The following CFAP65 variants were observed in gnomAD, a reference collection of about 807,000 sequenced individuals.
The protein encoded by CFAP65 is cilia- and flagella-associated protein 65.
CFAP65 carries 155 observed loss-of-function variants against 208.0 expected under a neutral mutation model. The ratio of observed to expected loss-of-function variants is 0.75; its 90% confidence interval spans 0.65 to 0.85. CFAP65 has a LOEUF of 0.85. Ranked by LOEUF, CFAP65 falls within the 40% of genes least tolerant of loss-of-function variation. The pLI is 0.00. For missense variants in CFAP65, 2,294 were observed against 2,451.3 expected (o/e 0.94, Z 1.36); for synonymous variants, 970 against 986.3 (o/e 0.98, Z 0.31).
intron 11 of CFAP65, 112 bp from the exon 12 acceptor site, chr2:219,028,513 G>C: frequency 1.1e-6 from 1 of 910,004 alleles, no homozygotes; most frequent in Non-Finnish European, 1.7e-6. Context: ...AGAGGCAGTG[G>C]GGCAGAAGCT....
At position 219,010,540 on chromosome 2, in the gene CFAP65, C is replaced by T; in HGVS notation, c.4308+6G>A. The T allele has an allele frequency of 1.9e-6, 3 of 1,607,018 alleles. No homozygotes were observed. The highest frequency in any genetic ancestry group is 2.5e-6 in the Non-Finnish European group (3 of 1,178,354). ...CCTCAGGCCTTCCTAGCTCCCCTTT[C>T]CCCACCTGTCCAGGCACCACCAGCC... On this transcript the variant is annotated splice_donor_region_variant and intron_variant, in intron 26 of 34. Transcript: ENST00000341552.
In CFAP65 at chr2:219,010,199, C is replaced by T. The variant is rs186216496; in HGVS notation, c.4309-114G>A. 62 of 1,044,014 alleles carry T rather than the reference C, an allele frequency of 5.9e-5. No homozygotes were observed. In the African/African-American group the frequency reaches 6.7e-4, roughly 11 times the overall value. The allele number at this position is 1,044,014 out of a possible 1,614,324, so 64.7% of individuals were successfully genotyped here. ...TGGGAGGATCACGAGGTCAGAAAAT[C>T]GAGACCACTGTGCCTGGCCCTTTTG... On this transcript the variant is annotated intron_variant, in intron 26 of 34. Coordinates refer to ENST00000341552, the MANE Select transcript of CFAP65 (RefSeq NM_194302.4).
At chr2:219,040,488 A>G in intron 2 of CFAP65, 31 bp downstream of exon 2, 1 of 1,120,002 alleles carries the variant, frequency 8.9e-7, no homozygotes, top group Non-Finnish European at 1.3e-6. Context: ...GTACTGTGCT[A>G]GGCACCAGAC....
Position 219,019,169 on chromosome 2 carries a change from T to A in CFAP65, c.3484A>T (p.Ile1162Phe). ...KVPTRHSMSQ[I>F]PPVLTPLRLD... ...CTTAAAGGGGTGAGGACGGGGGGGATCTGGCTCATGCTGTGAGGAACAGAG... is the reference window on the plus strand; with the variant it reads ...CTTAAAGGGGTGAGGACGGGGGGGAACTGGCTCATGCTGTGAGGAACAGAG... The change falls in exon 21 of 35, where the codon ATC (isoleucine) becomes TTC (phenylalanine). Residue 1162 changes from isoleucine to phenylalanine, a missense_variant. Ile to Phe is a conservative substitution (Grantham distance 21, BLOSUM62 0). Around this residue, in one of 2 missense-constraint regions of CFAP65, gnomAD observed 1,427 missense variants for 1,438.7 expected, o/e 0.99. Transcript: ENST00000341552. 6.2e-7 allele frequency: 1 copy of A among 1,612,872 alleles called. No individual in the cohort carries two copies. Among genetic ancestry groups the A allele is most frequent in the Non-Finnish European group, 8.5e-7 (1 of 1,179,374 alleles).
At position 219,019,191 on chromosome 2, in the gene CFAP65, A is replaced by C; in HGVS notation, c.3474-12T>G. The C allele has an allele frequency of 6.2e-7, 1 of 1,606,418 alleles. No homozygotes were observed. The highest frequency in any genetic ancestry group is 8.5e-7 in the Non-Finnish European group (1 of 1,175,330). ...GGATCTGGCTCATGCTGTGAGGAAC[A>C]GAGAAAGGGGTTCAGAGATGGGGAT... On this transcript the variant is annotated splice_polypyrimidine_tract_variant and intron_variant, in intron 20 of 34. Transcript: ENST00000341552.
chr2:219,033,606 A>C (rs1165325092), intron 5 of CFAP65: 2 of 152,256 alleles, frequency 1.3e-5, no homozygotes, highest in Non-Finnish European at 2.9e-5. Flanking sequence ...ACTCTCAGCA[A>C]AGCAGGAATA....
Position 219,027,745 on chromosome 2 carries a change from G to A in CFAP65, c.2116C>T (p.Pro706Ser). The A allele has an allele frequency of 1.2e-6, 2 of 1,614,122 alleles. No homozygotes were observed. The highest frequency in any genetic ancestry group is 1.7e-6 in the Non-Finnish European group (2 of 1,180,030). The change falls in exon 13 of 35, where the codon CCC becomes TCC. Residue 706 changes from proline to serine, a missense_variant. Physicochemically the swap from Pro to Ser is moderately conservative, Grantham distance 74. Coordinates refer to ENST00000341552, the MANE Select transcript of CFAP65 (RefSeq NM_194302.4). ...CGCATGGCCATGGACTTGAGTGGGG[G>A]CACGTCGCAGCTCTCTGGAGTCACC... ...FWVTPESCDV[P>S]PLKSMAMRLH...
chr2:219,036,424 T>G (rs1165023854), intron 4 of CFAP65, among the ~76,000 whole-genome samples: 1 of 151,020 alleles, frequency 6.6e-6, no homozygotes, highest in Non-Finnish European at 1.5e-5. Context: ...CCATGCGCAC[T>G]CAACTCATTG....
intron 26 of CFAP65, 142 bp downstream of exon 26, chr2:219,010,404 G>A: frequency 1.1e-6 from 1 of 882,546 alleles, no homozygotes; most frequent in Non-Finnish European, 1.7e-6. Flanking sequence ...AGGAGGGTGA[G>A]TTCCAAGGTC....
intron 5 of CFAP65, chr2:219,034,009 A>T (rs1176926272): frequency 6.6e-6 from 1 of 152,220 alleles, no homozygotes; most frequent in Non-Finnish European, 1.5e-5. Flanking sequence ...GTCATATATA[A>T]CAACAGCAAA....
In CFAP65 at chr2:219,003,736, TCAA is replaced by T. The variant is rs1945743691; in HGVS notation, c.5555+213_5555+215del. On this transcript the variant is annotated intron_variant, in intron 33 of 34. Transcript: ENST00000341552. This position sits in a 1 kb window ranked among gnomAD's most constrained non-coding sequence, Gnocchi z 4.4. ...AATTCTCCTGGTAAGTTGGTAAATGTCAACAACTAGTTCTTAGAGAAAAAAGAA... is the reference window on the plus strand; with the variant it reads ...AATTCTCCTGGTAAGTTGGTAAATGTCAACTAGTTCTTAGAGAAAAAAGAA... 6.6e-6 allele frequency among the ~76,000 whole-genome samples: 1 copy of T among 152,174 alleles called. No individual in the cohort carries two copies. The highest frequency in any genetic ancestry group is 1.5e-5 in the Non-Finnish European group (1 of 68,030).
chr2:219,010,878 T>C lies in CFAP65; in HGVS notation c.4076A>G (p.Lys1359Arg). The change falls in exon 25 of 35, where the codon AAA (lysine) becomes AGA (arginine). Residue 1359 changes from lysine (K) to arginine (R), a missense_variant. By Grantham distance (26) the Lys-to-Arg change is conservative (BLOSUM62 2). This residue lies in a region of CFAP65 where 1,427 missense variants were observed against 1,438.7 expected (regional missense o/e 0.99). Coordinates refer to ENST00000341552, the MANE Select transcript of CFAP65 (RefSeq NM_194302.4). ...AGTGCTGCCTGGCTGGATCTCCCCT[T>C]TGGGGTTGAGGCAGCAAAAGATGGG... ...DHPIFCCLNP[K>R]GEIQPGSTAR... 1 of 1,613,736 alleles carries C rather than the reference T, an allele frequency of 6.2e-7. No individual in the cohort carries two copies. Among genetic ancestry groups the C allele is most frequent in the Non-Finnish European group, 8.5e-7 (1 of 1,179,980 alleles).
Position 219,030,800 on chromosome 2 carries a change from G to A in CFAP65, c.1050C>T (p.His350=), listed in dbSNP as rs1947964464. The part of the protein sequence containing the change: ...KCAQLLVSIK[H]KCPEDQDAEG... ...CGGCATCCTGGTCCTCCGGGCACTTGTGCTTTATGCTCACCAGCAGCTGGG... is the reference window on the plus strand; with the variant it reads ...CGGCATCCTGGTCCTCCGGGCACTTATGCTTTATGCTCACCAGCAGCTGGG... Residue 350 remains histidine (H), a synonymous_variant, in exon 9 of 35, where the codon CAC becomes CAT. Coordinates refer to ENST00000341552, the MANE Select transcript of CFAP65 (RefSeq NM_194302.4). The A allele has an allele frequency of 6.2e-7, 1 of 1,614,162 alleles. No individual in the cohort carries two copies. The highest frequency in any genetic ancestry group is 1.3e-5 in the African/African-American group (1 of 75,054).
chr2:219,003,839 G>A lies in CFAP65; in HGVS notation c.5555+113C>T. 1 of 1,321,326 alleles carries A rather than the reference G, an allele frequency of 7.6e-7. No homozygotes were observed. Among genetic ancestry groups the A allele is most frequent in the East Asian group, 2.3e-5 (1 of 43,226 alleles). The allele number at this position is 1,321,326 out of a possible 1,614,324, so 81.9% of individuals were successfully genotyped here. On this transcript the variant is annotated intron_variant, in intron 33 of 34. Coordinates refer to ENST00000341552, the MANE Select transcript of CFAP65 (RefSeq NM_194302.4). The surrounding 1 kb of genome is among the most constrained non-coding windows in gnomAD (Gnocchi z 4.4). ...TACCAACATGACCTCACTAAGCACT[G>A]AATTAGGATGAGATGTGCATACAGG... is the stretch of plus-strand genomic sequence containing the variant.
intron 4 of CFAP65, among the ~76,000 whole-genome samples, chr2:219,037,837 C>G (rs1948454786): frequency 6.6e-6 from 1 of 152,198 alleles, no homozygotes; most frequent in Non-Finnish European, 1.5e-5. Flanking sequence ...CACACTGCAT[C>G]ATACACAAAG....
chr2:219,028,999 G>T (rs781182677), intron 11 of CFAP65, among the ~76,000 whole-genome samples: 3 of 152,180 alleles, frequency 2.0e-5, no homozygotes, highest in Non-Finnish European at 4.4e-5. Flanking sequence ...CCTAGGGTTG[G>T]GGTCTAACTT....
chr2:219,024,088 G>A lies in CFAP65; in HGVS notation c.2522C>T (p.Thr841Ile). The stretch of plus-strand genomic sequence containing the variant: ...CTTCCAGGAGCTGCCCTCAGGGTAG[G>A]TGCAGATGAGGATGATCTGGTGGGC... ...PGAHQIILIC[T>I]YPEGSSWKQH... Residue 841 changes from threonine (T) to isoleucine (I), a missense_variant, in exon 15 of 35, where the codon ACC (threonine) becomes ATC (isoleucine). This residue lies in a region of CFAP65 where 1,427 missense variants were observed against 1,438.7 expected (regional missense o/e 0.99). Transcript: ENST00000341552. The A allele has an allele frequency of 6.2e-7, 1 of 1,614,118 alleles. No homozygotes were observed. Among genetic ancestry groups the A allele is most frequent in the Non-Finnish European group, 8.5e-7 (1 of 1,180,040 alleles).
Position 219,010,707 on chromosome 2 carries a change from G to A in CFAP65, c.4150-3C>T. The A allele has an allele frequency of 6.2e-7, 1 of 1,603,360 alleles. No individual in the cohort carries two copies. The highest frequency in any genetic ancestry group is 8.5e-7 in the Non-Finnish European group (1 of 1,174,858). On this transcript the variant is annotated splice_region_variant and splice_polypyrimidine_tract_variant and intron_variant, in intron 25 of 34. Transcript: ENST00000341552. ...AGGATGTGTATGGGCACGTCCACCT[G>A]GGGAGTTAGGAGGGTGGGGGTAGGG... is the stretch of plus-strand genomic sequence containing the variant.
Position 219,029,489 on chromosome 2 carries a change from T to G in CFAP65, c.1564A>C (p.Lys522Gln). 1.2e-6 allele frequency: 2 copies of G among 1,614,090 alleles called. No individual in the cohort carries two copies. The highest frequency in any genetic ancestry group is 1.7e-6 in the Non-Finnish European group (2 of 1,180,004). The change falls in exon 11 of 35, where the codon AAG becomes CAG. Residue 522 changes from lysine to glutamine, a missense_variant. By Grantham distance (53) the Lys-to-Gln change is moderately conservative. Coordinates refer to ENST00000341552, the MANE Select transcript of CFAP65 (RefSeq NM_194302.4). ...IRPAFGTLVG[K>Q]ARMTLHCAFQ... Reference sequence around the variant, plus strand: ...GCACAGTGCAGGGTCATACGGGCCTTGCCCACCAGCGTCCCAAAGGCAGGC... The same window carrying G: ...GCACAGTGCAGGGTCATACGGGCCTGGCCCACCAGCGTCCCAAAGGCAGGC...
Sources: allele counts gnomAD v4.1 joint callset (sites outside exome capture counted in the v4.1 genomes callset), GRCh38; gene constraint gnomAD v4.1.1; regional missense constraint gnomAD v4.1.1; non-coding constraint Gnocchi (gnomAD v3.1); transcripts MANE v1.5; gene names NCBI Gene and HGNC (gene_info 2026-07-23, HGNC 2026-07-21).